Variants in AIG1 observed in about 807,000 individuals in gnomAD.
AIG1 encodes androgen induced 1.
Under a neutral mutation model 31.4 loss-of-function variants are expected in AIG1, and 23 were observed. The ratio of observed to expected loss-of-function variants is 0.73; its 90% CI spans 0.53 to 1.04. AIG1 has a LOEUF of 1.04. Among genes scored for constraint, AIG1 ranks in the 50% least tolerant of loss-of-function variants. The pLI is 0.00. For missense variants in AIG1, 274 were observed against 295.0 expected (o/e 0.93, Z 0.52); for synonymous variants, 100 against 110.5 (o/e 0.90, Z 0.60).
chr6:143,189,853 A>G, intron 3 of AIG1: 1 of 943,446 alleles, frequency 1.1e-6, no homozygotes, highest in Non-Finnish European at 1.3e-6. Flanking sequence ...CTATAACAAA[A>G]TAGCACAATT....
At chr6:143,257,098 C>T (rs1421703150) in intron 3 of AIG1, among the ~76,000 whole-genome samples, 2 of 152,274 alleles carry the variant, frequency 1.3e-5, no homozygotes, top group East Asian at 3.9e-4. Context: ...GAAGGAATCA[C>T]GTCAAAGCTC....
chr6:143,341,156 G>T (rs774554399), downstream of AIG1, among the ~76,000 whole-genome samples: 2 of 152,112 alleles, frequency 1.3e-5, no homozygotes, highest in Non-Finnish European at 2.9e-5. Context: ...AATGCATCTA[G>T]CAGCATTACC....
At chr6:143,060,347 C>T, upstream of AIG1, 1 of 167,114 alleles carries the variant, frequency 6.0e-6, no homozygotes, top group South Asian at 9.0e-5. Context: ...CACGTTCACA[C>T]CCCCACCGGA....
At chr6:143,081,202 G>A (rs943331391) in intron 1 of AIG1, among the ~76,000 whole-genome samples, 1 of 152,110 alleles carries the variant, frequency 6.6e-6, no homozygotes, top group Non-Finnish European at 1.5e-5. Context: ...TTTAGATGTC[G>A]TTTGAGTGTT....
intron 3 of AIG1, among the ~76,000 whole-genome samples, chr6:143,184,611 G>A (rs1016944851): frequency 6.6e-6 from 1 of 152,150 alleles, no homozygotes; most frequent in Non-Finnish European, 1.5e-5. Context: ...GTCCCGGATC[G>A]GCCCCAGCTT....
intron 1 of AIG1, among the ~76,000 whole-genome samples, chr6:143,085,191 A>G (rs565455879): frequency 6.6e-6 from 1 of 152,292 alleles, no homozygotes; most frequent in South Asian, 2.1e-4. Flanking sequence ...ACTGGGCTGA[A>G]TTCTCCAGAA....
At chr6:143,189,326 C>A in intron 3 of AIG1, 1 of 857,454 alleles carries the variant, frequency 1.2e-6, no homozygotes, top group Non-Finnish European at 1.4e-6. Flanking sequence ...AGCGATCCTC[C>A]TGCCTCAGCC....
intron 3 of AIG1, among the ~76,000 whole-genome samples, chr6:143,274,737 T>C (rs2128670576): frequency 6.6e-6 from 1 of 152,284 alleles, no homozygotes; most frequent in East Asian, 1.9e-4. Context: ...AAAGAGCATG[T>C]TTTAGAGTCA....
chr6:143,342,431 T>C (rs1013330519), downstream of AIG1: 4 of 755,912 alleles, frequency 5.3e-6, no homozygotes, highest in Non-Finnish European at 9.7e-6. Context: ...AGGTTGAACC[T>C]CGAAGATCAG....
chr6:143,212,488 C>T (rs1583522099), intron 3 of AIG1, among the ~76,000 whole-genome samples: 1 of 152,136 alleles, frequency 6.6e-6, no homozygotes, highest in Non-Finnish European at 1.5e-5. Flanking sequence ...GGGTTTTCTA[C>T]CTCACTCTTA....
chr6:143,189,777 G>C, intron 3 of AIG1: 1 of 984,510 alleles, frequency 1.0e-6, no homozygotes, highest in Non-Finnish European at 1.2e-6. Flanking sequence ...CATTTTAAAT[G>C]TATTTCCTGA....
chr6:143,180,908 G>C (rs1398854306), intron 3 of AIG1, among the ~76,000 whole-genome samples: 1 of 152,026 alleles, frequency 6.6e-6, no homozygotes, highest in Non-Finnish European at 1.5e-5. Flanking sequence ...TTTGACATTT[G>C]GTAATTACTA....
At position 143,325,196 on chromosome 6, in the gene AIG1, A is replaced by G. The variant is rs1447247516; in HGVS notation, c.516-8086A>G. Among the ~76,000 whole-genome samples the G allele has an allele frequency of 6.6e-6, 1 of 151,986 alleles. No individual in the cohort carries two copies. Among genetic ancestry groups the G allele is most frequent in the African/African-American group, 2.4e-5 (1 of 41,364 alleles). ...TGGCTTTACAACATCACACTTTTCT[A>G]TTTTGCTTCCCTGTTACTAGCCCAT... is the stretch of plus-strand genomic sequence containing the variant. On this transcript the variant is annotated intron_variant, in intron 4 of 5. Transcript: ENST00000357847. The surrounding 1 kb of genome is among the most constrained non-coding windows in gnomAD (Gnocchi z 4.3).
intron 3 of AIG1, among the ~76,000 whole-genome samples, chr6:143,244,847 C>T (rs1794496298): frequency 6.6e-6 from 1 of 152,162 alleles, no homozygotes; most frequent in Non-Finnish European, 1.5e-5. Context: ...AAGCTCCAAG[C>T]TATGTTACCA....
chr6:143,064,027 G>C (rs187941700), intron 1 of AIG1, among the ~76,000 whole-genome samples: 8 of 152,264 alleles, frequency 5.3e-5, no homozygotes, highest in Admixed American at 2.6e-4. Flanking sequence ...AGAGAACTAA[G>C]GTGTTTTTGG....
Position 143,299,887 on chromosome 6 carries a change from G to A in AIG1, c.515+15662G>A, listed in dbSNP as rs771203075. Among the ~76,000 whole-genome samples the A allele has an allele frequency of 7.9e-5, 12 of 152,168 alleles. No homozygotes were observed. Among genetic ancestry groups the A allele is most frequent in the Non-Finnish European group, 1.8e-4 (12 of 68,034 alleles). On this transcript the variant is annotated intron_variant, in intron 4 of 5. Coordinates refer to ENST00000357847, the MANE Select transcript of AIG1 (RefSeq NM_016108.4). This position sits in a 1 kb window ranked among gnomAD's most constrained non-coding sequence, Gnocchi z 4.1. The stretch of plus-strand genomic sequence containing the variant: ...AGATCAGATGTCACATCCTCCAGAA[G>A]CTTTCCCTGACATTCTGAGTCAGTG...
intron 4 of AIG1, among the ~76,000 whole-genome samples, chr6:143,322,228 G>T (rs1186025595): frequency 1.3e-5 from 2 of 152,158 alleles, no homozygotes; most frequent in African/African-American, 4.8e-5. Flanking sequence ...TCAGGACATT[G>T]TTTGCAGTAC....
rs113033224 is a variant in AIG1, at chr6:143,333,879, C to T, written c.679+434C>T. Among the ~76,000 whole-genome samples, 2 of 152,240 alleles carry T rather than the reference C, an allele frequency of 1.3e-5. No individual in the cohort carries two copies. The highest frequency in any genetic ancestry group is 4.8e-5 in the African/African-American group (2 of 41,556). On this transcript the variant is annotated intron_variant, in intron 5 of 5. Transcript: ENST00000357847. This position sits in a 1 kb window ranked among gnomAD's most constrained non-coding sequence, Gnocchi z 4.6. The stretch of plus-strand genomic sequence containing the variant: ...CCACTTTCTATGTGGGTGCAGTCAC[C>T]TGGGAGAGGTCTTACTACCATTCTG...
At position 143,340,650 on chromosome 6, in the gene AIG1, G is replaced by T. The variant is rs1777821442; in HGVS notation, c.*974G>T. 6.6e-6 allele frequency among the ~76,000 whole-genome samples: 1 copy of T among 151,976 alleles called. No individual in the cohort carries two copies. Among genetic ancestry groups the T allele is most frequent in the Non-Finnish European group, 1.5e-5 (1 of 68,006 alleles). On this transcript the variant is annotated 3_prime_UTR_variant, in exon 6 of 6. Transcript: ENST00000357847. ...GCTTATTTTTTGTATTTTTAGTAGA[G>T]ACGGGGTTTCACCTTGTTAGCCAGG...
Sources: gnomAD v4.1 joint callset for allele counts (sites outside exome capture counted in the v4.1 genomes callset) on GRCh38, gnomAD v4.1.1 for gene constraint, Gnocchi (gnomAD v3.1) non-coding constraint, MANE v1.5 for transcripts, NCBI Gene and HGNC (gene_info 2026-07-23, HGNC 2026-07-21) for gene names.